Variants in CSMD1 observed in about 807,000 individuals in gnomAD.
CSMD1 encodes CUB and Sushi multiple domains 1, also known as CUB and sushi domain-containing protein 1.
CSMD1 carries 213 observed loss-of-function variants against 417.5 expected under a neutral mutation model. That is an observed-to-expected ratio of 0.51 (90% CI 0.46 to 0.57). The LOEUF is 0.57. Among genes scored for constraint, CSMD1 ranks in the 20% least tolerant of loss-of-function variants. CSMD1 has a pLI of 0.00. For synonymous variants in CSMD1, 2,862 were observed against 1,736.8 expected, an observed-to-expected ratio of 1.65 and a Z score of -16.11; for missense variants, 6,923 against 4,529.7, an observed-to-expected ratio of 1.53 and a Z score of -15.17.
At position 4,290,122 on chromosome 8, in the gene CSMD1, T is replaced by C. The variant is rs76934485; in HGVS notation, c.415+129831A>G. Among the ~76,000 whole-genome samples, 736 of 152,254 alleles carry C rather than the reference T, an allele frequency of 4.8e-3. 16 individuals carry two copies. Among genetic ancestry groups the C allele is most frequent in the Admixed American group, 0.034 (516 of 15,286 alleles). Reference sequence around the variant, plus strand: ...TGCAACAAAACCAAACGGAATCAAATACAAACAGGCAGGGAGTGGTGAGGA... The same window carrying C: ...TGCAACAAAACCAAACGGAATCAAACACAAACAGGCAGGGAGTGGTGAGGA... On this transcript the variant is annotated intron_variant, in intron 3 of 69. Transcript: ENST00000635120.
chr8:4,003,419 C>CAAACAAATAAAT (rs1554513237), intron 4 of CSMD1, among the ~76,000 whole-genome samples: 4 of 150,100 alleles, frequency 2.7e-5, no homozygotes, highest in African/African-American at 7.4e-5. Flanking sequence ...AAAAAACAAA[C>CAAACAAATAAAT]AAATAAATAA....
intron 8 of CSMD1, among the ~76,000 whole-genome samples, chr8:3,602,722 C>T (rs906957749): frequency 1.9e-5 from 2 of 105,356 alleles, no homozygotes; most frequent in Admixed American, 1.1e-4. Context: ...GAATTACACA[C>T]ACACACACAC....
intron 1 of CSMD1, among the ~76,000 whole-genome samples, chr8:4,820,451 C>T (rs535324319): frequency 1.3e-5 from 2 of 152,134 alleles, no homozygotes; most frequent in Non-Finnish European, 2.9e-5. Flanking sequence ...CATTTCTGCA[C>T]TGGTTTTCCT....
At chr8:3,314,029 C>G (rs887974206) in intron 23 of CSMD1, among the ~76,000 whole-genome samples, 7 of 151,810 alleles carry the variant, frequency 4.6e-5, no homozygotes, top group African/African-American at 7.3e-5. Context: ...GACAAAAAAC[C>G]AAACACCTCA....
intron 12 of CSMD1, among the ~76,000 whole-genome samples, chr8:3,425,644 C>A (rs942706254): frequency 6.6e-6 from 1 of 151,612 alleles, no homozygotes; most frequent in Non-Finnish European, 1.5e-5. Flanking sequence ...TGCCCTGTCC[C>A]AGCAGCAGGG....
intron 5 of CSMD1, among the ~76,000 whole-genome samples, chr8:3,996,029 T>A (rs1167347110): frequency 1.3e-5 from 2 of 152,222 alleles, no homozygotes; most frequent in African/African-American, 4.8e-5. Context: ...GATGATCAAT[T>A]GTTGCCATAA....
intron 2 of CSMD1, among the ~76,000 whole-genome samples, chr8:4,483,434 T>C (rs530004418): frequency 6.6e-6 from 1 of 152,326 alleles, no homozygotes; most frequent in African/African-American, 2.4e-5. Flanking sequence ...AACAAGTCAT[T>C]ACCATTTAGA....
intron 3 of CSMD1, among the ~76,000 whole-genome samples, chr8:4,038,654 C>A (rs1426046741): frequency 1.3e-5 from 2 of 152,116 alleles, no homozygotes; most frequent in African/African-American, 4.8e-5. Context: ...TTTTAATTCT[C>A]TTTATTTATT....
intron 3 of CSMD1, among the ~76,000 whole-genome samples, chr8:4,183,679 G>T (rs984990624): frequency 3.3e-5 from 5 of 152,130 alleles, no homozygotes; most frequent in Non-Finnish European, 5.9e-5. Context: ...AAATAATTTT[G>T]TTGTGAGCAG....
intron 7 of CSMD1, among the ~76,000 whole-genome samples, chr8:3,690,914 T>G (rs2623604): frequency 1.3e-5 from 2 of 152,206 alleles, no homozygotes; most frequent in African/African-American, 4.8e-5. Context: ...AACAAATAAA[T>G]TGAATAATTA....
rs1378038900 is a variant in CSMD1, at chr8:4,848,451, C to G, written c.85+145881G>C. On this transcript the variant is annotated intron_variant, in intron 1 of 69. Transcript: ENST00000635120. ...CAACATTGTAACGCAGTGCATTACTCATGGGTTTGTTGTGATGTTGGTGCA... is the reference window on the plus strand; with the variant it reads ...CAACATTGTAACGCAGTGCATTACTGATGGGTTTGTTGTGATGTTGGTGCA... Among the ~76,000 whole-genome samples the G allele has an allele frequency of 3.9e-5, 6 of 152,216 alleles. No homozygotes were observed. The East Asian group carries it at 5.8e-4, about 15-fold the overall frequency.
intron 22 of CSMD1, among the ~76,000 whole-genome samples, chr8:3,347,535 T>C (rs966723370): frequency 6.6e-6 from 1 of 152,238 alleles, no homozygotes; most frequent in African/African-American, 2.4e-5. Flanking sequence ...TTCCACAGTA[T>C]GACCACATTT....
intron 2 of CSMD1, among the ~76,000 whole-genome samples, chr8:4,448,665 ACTTT>A (rs1350950442): frequency 1.3e-5 from 2 of 152,140 alleles, no homozygotes; most frequent in African/African-American, 2.4e-5. Flanking sequence ...TCAACATCTG[ACTTT>A]CTTCTCAGTA....
chr8:3,883,122 A>G lies in CSMD1; in HGVS notation c.818+114781T>C, dbSNP rs570199073. Among the ~76,000 whole-genome samples the G allele has an allele frequency of 7.9e-5, 12 of 152,338 alleles. No individual in the cohort carries two copies. In the East Asian group the frequency reaches 2.3e-3, roughly 29 times the overall value. The stretch of plus-strand genomic sequence containing the variant: ...CTAAGAATCCTTAGTGTAAATAACA[A>G]AATAAAAATAACCACATCATACTTG... On this transcript the variant is annotated intron_variant, in intron 5 of 69. Coordinates refer to ENST00000635120, the MANE Select transcript of CSMD1 (RefSeq NM_033225.6).
intron 3 of CSMD1, among the ~76,000 whole-genome samples, chr8:4,397,628 C>G (rs768797364): frequency 7.4e-6 from 1 of 134,694 alleles, no homozygotes; most frequent in Non-Finnish European, 1.5e-5. Context: ...ATGAAACAGA[C>G]AATATGCATC....
At chr8:3,485,538 CAGAGAGAG>C (rs55757538) in intron 11 of CSMD1, among the ~76,000 whole-genome samples, 3 of 135,026 alleles carry the variant, frequency 2.2e-5, no homozygotes, top group South Asian at 4.7e-4. Flanking sequence ...CACACACACA[CAGAGAGAG>C]AGAGAGAGAG....
chr8:4,729,991 C>T (rs1385925330), intron 1 of CSMD1, among the ~76,000 whole-genome samples: 2 of 152,000 alleles, frequency 1.3e-5, no homozygotes, highest in Non-Finnish European at 2.9e-5. Context: ...TCTCCTCTCC[C>T]GATTCTGAAA....
rs528015753 is a variant in CSMD1, at chr8:4,743,714, A to G, written c.86-106156T>C. ...TTCTGCTCTAACCACTTCTGGATGT[A>G]TAAAGGAGATTTTCTCTGAACTATA... On this transcript the variant is annotated intron_variant, in intron 1 of 69. Coordinates refer to ENST00000635120, the MANE Select transcript of CSMD1 (RefSeq NM_033225.6). 2.1e-3 allele frequency among the ~76,000 whole-genome samples: 313 copies of G among 152,354 alleles called. 1 individual carries two copies. Among genetic ancestry groups the G allele is most frequent in the Middle Eastern group, 3.4e-3 (1 of 294 alleles).
chr8:3,715,820 G>C (rs1175773226), intron 6 of CSMD1, among the ~76,000 whole-genome samples: 1 of 152,168 alleles, frequency 6.6e-6, no homozygotes, highest in Admixed American at 6.5e-5. Flanking sequence ...TGGGATTGCA[G>C]GCATGAGCCA....
Sources: allele counts gnomAD v4.1 joint callset (sites outside exome capture counted in the v4.1 genomes callset), GRCh38; gene constraint gnomAD v4.1.1; transcripts MANE v1.5; gene names NCBI Gene and HGNC (gene_info 2026-07-23, HGNC 2026-07-21).